CRIPTO: variants seen among roughly 807,000 people sequenced by gnomAD.
CRIPTO encodes the protein cripto, EGF-CFC family member.
the CRIPTO span, chr3:46,581,059 T>C: frequency 2.3e-4 from 255 of 1,107,694 alleles, 3 homozygotes; most frequent in Admixed American, 4.2e-3. Context: ...CGTATAGATA[T>C]GCCACATTTG....
the CRIPTO span, chr3:46,579,356 G>T: frequency 2.5e-6 from 4 of 1,614,134 alleles, no homozygotes; most frequent in Non-Finnish European, 3.4e-6. Context: ...CGCCCATGGG[G>T]ATACAGCACA....
At chr3:46,575,301 G>C in the CRIPTO span, among the ~76,000 whole-genome samples, 3 of 152,254 alleles carry the variant, frequency 2.0e-5, no homozygotes, top group Admixed American at 2.0e-4. Flanking sequence ...TCTACAGGCC[G>C]CCCAGTAGTA....
At chr3:46,581,510 C>CTTT in the CRIPTO span, 458 of 556,996 alleles carry the variant, frequency 8.2e-4, no homozygotes, top group Middle Eastern at 2.4e-3. Context: ...TCCAGTGTTT[C>CTTT]TTTTTTTTTT....
At chr3:46,578,514 G>A in the CRIPTO span, among the ~76,000 whole-genome samples, 2 of 152,236 alleles carry the variant, frequency 1.3e-5, no homozygotes, top group East Asian at 3.9e-4. Context: ...CAGGAGACCA[G>A]CCTGGCCAAC....
At chr3:46,579,279 T>C in the CRIPTO span, 2 of 1,614,204 alleles carry the variant, frequency 1.2e-6, no homozygotes, top group South Asian at 2.2e-5. Flanking sequence ...ATACCTGGCC[T>C]TCAGAGATGA....
the CRIPTO span, chr3:46,577,992 G>A: frequency 3.2e-5 from 52 of 1,614,028 alleles, no homozygotes; most frequent in African/African-American, 2.3e-4. Context: ...AAGATGGCCC[G>A]CTTCTCTTAC....
chr3:46,579,212 G>T, the CRIPTO span: 1 of 1,614,104 alleles, frequency 6.2e-7, no homozygotes, highest in Non-Finnish European at 8.5e-7. Flanking sequence ...CAGACTCCAT[G>T]AATTGATTTT....
the CRIPTO span, among the ~76,000 whole-genome samples, chr3:46,576,480 C>CAAAAAAAAAAA: frequency 1.3e-4 from 7 of 55,048 alleles, no homozygotes; most frequent in African/African-American, 6.6e-4. Flanking sequence ...GACTCTGTCG[C>CAAAAAAAAAAA]AAAAAAAAAA....
the CRIPTO span, chr3:46,579,729 T>C: frequency 1.2e-5 from 20 of 1,612,394 alleles, no homozygotes; most frequent in Non-Finnish European, 1.7e-5. Context: ...CATCTGTTCT[T>C]ACCTTTCAGG....
the CRIPTO span, chr3:46,579,873 G>C: frequency 6.2e-7 from 1 of 1,614,186 alleles, no homozygotes; most frequent in South Asian, 1.1e-5. Flanking sequence ...TCAGAGGGGC[G>C]GGGAGCCGTG....
the CRIPTO span, chr3:46,582,034 T>C: frequency 5.9e-5 from 9 of 152,204 alleles, no homozygotes; most frequent in African/African-American, 2.2e-4. Flanking sequence ...TCCATCTGCG[T>C]GTGTGCAGGG....
At chr3:46,577,383 C>T in the CRIPTO span, 17 of 155,270 alleles carry the variant, frequency 1.1e-4, no homozygotes, top group South Asian at 3.4e-3. Context: ...AAGGTGGAAG[C>T]AAATTTCAGG....
the CRIPTO span, chr3:46,579,840 G>C: frequency 5.6e-4 from 898 of 1,614,124 alleles, 1 homozygote; most frequent in Non-Finnish European, 6.0e-4. Flanking sequence ...CTGTGAGCAC[G>C]ATGTGCGCAA....
At chr3:46,580,699 C>A in the CRIPTO span, among the ~76,000 whole-genome samples, 1 of 152,126 alleles carries the variant, frequency 6.6e-6, no homozygotes, top group Admixed American at 6.5e-5. Context: ...GTTTCTAGGG[C>A]CCCCCAAATT....
At chr3:46,578,656 G>A in the CRIPTO span, among the ~76,000 whole-genome samples, 3 of 152,108 alleles carry the variant, frequency 2.0e-5, no homozygotes, top group East Asian at 1.9e-4. Context: ...AGTGAGCCGA[G>A]ATCGCACCAT....
At chr3:46,581,406 T>A in the CRIPTO span, 1 of 707,974 alleles carries the variant, frequency 1.4e-6, no homozygotes, top group Middle Eastern at 3.6e-4. Flanking sequence ...AACATTTCCT[T>A]ACAGAACTAC....
At chr3:46,575,315 A>T in the CRIPTO span, among the ~76,000 whole-genome samples, 1 of 152,224 alleles carries the variant, frequency 6.6e-6, no homozygotes, top group Non-Finnish European at 1.5e-5. Flanking sequence ...AGTAGTAGAC[A>T]TCAAATACCT....
the CRIPTO span, chr3:46,581,453 ACTT>A: frequency 6.5e-6 from 4 of 612,028 alleles, no homozygotes; most frequent in South Asian, 3.9e-5. Context: ...CCAAAAAACT[ACTT>A]CTTTTTTCAA....
chr3:46,579,289 A>G, the CRIPTO span: 1 of 1,614,180 alleles, frequency 6.2e-7, no homozygotes, highest in Non-Finnish European at 8.5e-7. Flanking sequence ...TTCAGAGATG[A>G]CAGCATTTGG....
Sources: gnomAD v4.1 joint callset for allele counts (sites outside exome capture counted in the v4.1 genomes callset) on GRCh38, gnomAD v4.1.1 for gene constraint, MANE v1.5 for transcripts, NCBI Gene and HGNC (gene_info 2026-07-23, HGNC 2026-07-21) for gene names.